ZNF536: variants seen among roughly 807,000 people sequenced by gnomAD.
ZNF536 encodes zinc finger protein 536.
ZNF536 carries 13 observed loss-of-function variants against 84.5 expected under a neutral mutation model. That is an observed-to-expected ratio of 0.15 (90% CI 0.10 to 0.24). ZNF536 has a LOEUF of 0.24. ZNF536 is among the 10% of genes least tolerant of loss of function. ZNF536 has a pLI of 1.00. For missense variants in ZNF536, 1,536 were observed against 1,747.5 expected (o/e 0.88, Z 2.16); for synonymous variants, 811 against 742.5 (o/e 1.09, Z -1.50).
At chr19:30,459,937 T>C (rs2053055686) in intron 2 of ZNF536, among the ~76,000 whole-genome samples, 1 of 152,118 alleles carries the variant, frequency 6.6e-6, no homozygotes, top group Non-Finnish European at 1.5e-5. Context: ...ACTACAATTA[T>C]AACCACAGAG....
chr19:30,307,513 G>T (rs2046376387), intron 2 of ZNF536, among the ~76,000 whole-genome samples: 1 of 152,092 alleles, frequency 6.6e-6, no homozygotes, highest in Non-Finnish European at 1.5e-5. Flanking sequence ...CTAACAGAGG[G>T]TATGAGGAAG....
intron 1 of ZNF536, among the ~76,000 whole-genome samples, chr19:30,640,255 GAA>G (rs930906506): frequency 6.7e-6 from 1 of 148,652 alleles, no homozygotes; most frequent in Non-Finnish European, 1.5e-5. Flanking sequence ...CCTGTCTCAA[GAA>G]AAAAAAAATT....
At chr19:30,558,357 C>T (rs1045058340), downstream of ZNF536, among the ~76,000 whole-genome samples, 2 of 152,056 alleles carry the variant, frequency 1.3e-5, no homozygotes, top group Non-Finnish European at 2.9e-5. Flanking sequence ...TTTTAGGTGT[C>T]TAGACCCCAC....
At chr19:30,410,962 A>G (rs2050471000) in intron 1 of ZNF536, among the ~76,000 whole-genome samples, 2 of 152,226 alleles carry the variant, frequency 1.3e-5, no homozygotes, top group South Asian at 4.1e-4. Flanking sequence ...TAGCATTTAT[A>G]TACTTAAGAA....
At chr19:30,552,807 TGTCGA>T (rs1056278010) in intron 4 of ZNF536, among the ~76,000 whole-genome samples, 13 of 152,062 alleles carry the variant, frequency 8.5e-5, no homozygotes, top group African/African-American at 2.9e-4. Context: ...CATATGACAG[TGTCGA>T]GAGCTTCAGT....
chr19:30,390,335 A>C (rs1279469303), intron 1 of ZNF536, among the ~76,000 whole-genome samples: 1 of 152,210 alleles, frequency 6.6e-6, no homozygotes, highest in Non-Finnish European at 1.5e-5. Context: ...TCGCATGCTG[A>C]AAAAGGTCTA....
intron 2 of ZNF536, among the ~76,000 whole-genome samples, chr19:30,507,985 G>T (rs1237021947): frequency 6.6e-6 from 1 of 152,166 alleles, no homozygotes; most frequent in African/African-American, 2.4e-5. Context: ...ATCCTTGCCT[G>T]TTTAACTTAG....
rs143692098 is a variant in ZNF536, at chr19:30,445,113, C to G, written c.1551C>G (p.Pro517=). 65 of 1,613,788 alleles carry G rather than the reference C, an allele frequency of 4.0e-5. No individual in the cohort carries two copies. In the Middle Eastern group the frequency reaches 6.6e-4, roughly 16 times the overall value. The change falls in exon 2 of 5, where the codon CCC becomes CCG. Residue 517 remains proline, a synonymous_variant. Transcript: ENST00000355537. This position sits in a 1 kb window ranked among gnomAD's most constrained non-coding sequence, Gnocchi z 4.5. ...CTGCCAAGGCTGCGGAGATGGACCC[C>G]GTGAACAGCTACCAGGCTTGGCAGC... ...QAAAKAAEMD[P]VNSYQAWQLM...
chr19:30,592,389 A>T (rs146935606), intron 1 of ZNF536, among the ~76,000 whole-genome samples: 27 of 152,178 alleles, frequency 1.8e-4, no homozygotes, highest in Admixed American at 9.8e-4. Context: ...CTTTTGTTAG[A>T]CCCATTTTTA....
chr19:30,662,962 CTTTTTTTTT>C (rs951081577), intron 1 of ZNF536, among the ~76,000 whole-genome samples: 7 of 78,756 alleles, frequency 8.9e-5, no homozygotes, highest in African/African-American at 1.9e-4. Flanking sequence ...TTTTTCGTTT[CTTTTTTTTT>C]TTTTTTTTTT....
intron 1 of ZNF536, among the ~76,000 whole-genome samples, chr19:30,595,609 G>A (rs1306492370): frequency 6.6e-6 from 1 of 152,184 alleles, no homozygotes; most frequent in Non-Finnish European, 1.5e-5. Flanking sequence ...TTCTTGAACT[G>A]TGGTTATTTG....
Position 30,548,998 on chromosome 19 carries a change from T to A in ZNF536, c.3379T>A (p.Ser1127Thr), listed in dbSNP as rs749669299. The change falls in exon 4 of 5, where the codon TCC becomes ACC. Residue 1127 changes from serine (S) to threonine (T), a missense_variant. Ser to Thr is a moderately conservative substitution (Grantham distance 58). Around this residue, in one of 8 missense-constraint regions of ZNF536, gnomAD observed 624 missense variants for 603.1 expected, o/e 1.03. Transcript: ENST00000355537. The part of the protein sequence containing the change: ...VYPGMVGSGA[S>T]SSCPNKEPDG... Reference sequence around the variant, plus strand: ...CCCAGGCATGGTTGGCTCAGGGGCCTCCAGTTCCTGCCCCAACAAGGAGCC... The same window carrying A: ...CCCAGGCATGGTTGGCTCAGGGGCCACCAGTTCCTGCCCCAACAAGGAGCC... The A allele has an allele frequency of 6.2e-7, 1 of 1,614,090 alleles. No individual in the cohort carries two copies. The highest frequency in any genetic ancestry group is 1.7e-5 in the Admixed American group (1 of 60,020).
chr19:30,703,800 T>G (rs1482008444), intron 1 of ZNF536, among the ~76,000 whole-genome samples: 1 of 152,224 alleles, frequency 6.6e-6, no homozygotes, highest in Non-Finnish European at 1.5e-5. Flanking sequence ...ATGTGTCACA[T>G]GCCATCATCT....
At chr19:30,650,031 A>G (rs2049639405) in intron 1 of ZNF536, among the ~76,000 whole-genome samples, 1 of 152,226 alleles carries the variant, frequency 6.6e-6, no homozygotes, top group South Asian at 2.1e-4. Context: ...TAGACACGTA[A>G]TGGAGTCATT....
chr19:30,381,167 C>A (rs939478851), intron 1 of ZNF536, among the ~76,000 whole-genome samples: 2 of 152,204 alleles, frequency 1.3e-5, no homozygotes, highest in Non-Finnish European at 2.9e-5. Context: ...TGTGAGCCAC[C>A]ACCATGCCTG....
intron 1 of ZNF536, among the ~76,000 whole-genome samples, chr19:30,709,971 T>C (rs1167162776): frequency 1.3e-5 from 2 of 152,178 alleles, no homozygotes; most frequent in Non-Finnish European, 2.9e-5. Context: ...ATTTTTTTAA[T>C]GTTTAGGAAA....
chr19:30,712,418 C>G (rs1057472409), exon 2 of ZNF536: 2 of 146,026 alleles, frequency 1.4e-5, no homozygotes, highest in African/African-American at 5.0e-5. Context: ...AAAACAAAAT[C>G]ATTCAGACTT....
rs187273752 is a variant in ZNF536 at position 30,654,813 on chromosome 19, G to A, written c.170-55944G>A. ...AGGCTCTGCTGAGCTCTACACTTCA[G>A]CTGTGTCTGCCACCCACCCCCCACA... On this transcript the variant is annotated intron_variant, in intron 1 of 1. Coordinates refer to the ZNF536 transcript ENST00000592773. Among the ~76,000 whole-genome samples the A allele has an allele frequency of 2.4e-3, 371 of 152,186 alleles. 3 individuals carry two copies. Among genetic ancestry groups the A allele is most frequent in the Non-Finnish European group, 4.9e-4 (33 of 68,012 alleles).
At chr19:30,333,069 C>T (rs2047265664) in intron 2 of ZNF536, among the ~76,000 whole-genome samples, 1 of 152,120 alleles carries the variant, frequency 6.6e-6, no homozygotes, top group Admixed American at 6.5e-5. Flanking sequence ...AGGGCAGCGT[C>T]CCATTTTCGA....
Sources: gnomAD v4.1 joint callset for allele counts (sites outside exome capture counted in the v4.1 genomes callset) on GRCh38, gnomAD v4.1.1 for gene constraint, gnomAD v4.1.1 regional missense constraint, Gnocchi (gnomAD v3.1) non-coding constraint, MANE v1.5 for transcripts, NCBI Gene and HGNC (gene_info 2026-07-23, HGNC 2026-07-21) for gene names.